KAZN: variants seen among roughly 807,000 people sequenced by gnomAD.
The protein encoded by KAZN is kazrin.
Under a neutral mutation model 87.4 loss-of-function variants are expected in KAZN, and 40 were observed. The ratio of observed to expected loss-of-function variants is 0.46; its 90% confidence interval spans 0.36 to 0.60. KAZN has a LOEUF of 0.60. KAZN is among the 20% of genes least tolerant of loss of function. The pLI, the probability that KAZN is intolerant of heterozygous loss-of-function variation, is 0.00. For missense variants in KAZN, 898 were observed against 1,073.9 expected, an observed-to-expected ratio of 0.84 and a Z score of 2.29; for synonymous variants, 466 against 458.3, an observed-to-expected ratio of 1.02 and a Z score of -0.22.
chr1:15,000,882 T>C (rs1668397615), intron 2 of KAZN, among the ~76,000 whole-genome samples: 1 of 151,684 alleles, frequency 6.6e-6, no homozygotes. Context: ...GGCGGGAGAA[T>C]CACTTGAGCC....
At chr1:15,023,889 T>G (rs1573093086) in intron 2 of KAZN, among the ~76,000 whole-genome samples, 4 of 109,166 alleles carry the variant, frequency 3.7e-5, no homozygotes, top group Admixed American at 9.8e-5. Context: ...TAATTGGGGG[T>G]GGAGTATGAG....
At chr1:14,118,011 C>T (rs1386995910) in intron 1 of KAZN, among the ~76,000 whole-genome samples, 2 of 152,184 alleles carry the variant, frequency 1.3e-5, no homozygotes, top group Non-Finnish European at 2.9e-5. Flanking sequence ...TCTTCTGCTG[C>T]CTCTGGAACC....
At chr1:14,901,187 C>T (rs1655843597) in intron 1 of KAZN, among the ~76,000 whole-genome samples, 1 of 152,058 alleles carries the variant, frequency 6.6e-6, no homozygotes, top group Non-Finnish European at 1.5e-5. Flanking sequence ...GGGGAAGGTC[C>T]CCTGGAGAGC....
intron 4 of KAZN, among the ~76,000 whole-genome samples, chr1:15,048,661 T>C (rs1029761280): frequency 5.6e-5 from 8 of 143,486 alleles, no homozygotes; most frequent in African/African-American, 2.3e-4. Flanking sequence ...TCGTCGGTCC[T>C]GGGTCGCTGG....
At chr1:14,032,095 C>T (rs1211930365) in intron 1 of KAZN, among the ~76,000 whole-genome samples, 1 of 152,142 alleles carries the variant, frequency 6.6e-6, no homozygotes, top group Non-Finnish European at 1.5e-5. Flanking sequence ...GTCTCCCCAC[C>T]AACCTCAGAA....
chr1:14,298,457 C>T (rs1342861032), intron 2 of KAZN, among the ~76,000 whole-genome samples: 1 of 152,182 alleles, frequency 6.6e-6, no homozygotes, highest in Admixed American at 6.5e-5. Flanking sequence ...ATGTTGAACA[C>T]AATGCAGTTC....
chr1:14,858,805 C>T (rs1183661550), intron 1 of KAZN, among the ~76,000 whole-genome samples: 2 of 152,150 alleles, frequency 1.3e-5, no homozygotes, highest in Non-Finnish European at 2.9e-5. Context: ...CTTAACTGAA[C>T]AGCCCCTGTA....
intron 2 of KAZN, among the ~76,000 whole-genome samples, chr1:14,295,411 T>C (rs765992297): frequency 2.6e-5 from 4 of 152,132 alleles, no homozygotes; most frequent in Non-Finnish European, 5.9e-5. Flanking sequence ...TGCACACATA[T>C]ACATGAGACA....
intron 1 of KAZN, among the ~76,000 whole-genome samples, chr1:14,664,935 A>G (rs10927489): frequency 0.21 from 31,250 of 152,144 alleles, 3,347 homozygotes; most frequent in South Asian, 0.3. Flanking sequence ...GATTACAGGC[A>G]TGAGCCACCG....
At chr1:14,993,592 A>T (rs1573005782) in intron 2 of KAZN, among the ~76,000 whole-genome samples, 1 of 151,110 alleles carries the variant, frequency 6.6e-6, no homozygotes, top group South Asian at 2.1e-4. Context: ...CTCGGCCTGC[A>T]CTCTCCCCCA....
intron 1 of KAZN, among the ~76,000 whole-genome samples, chr1:14,099,752 G>A (rs529016404): frequency 1.3e-5 from 2 of 152,032 alleles, no homozygotes; most frequent in Non-Finnish European, 2.9e-5. Flanking sequence ...TTTAAAAGTG[G>A]CCGCTTTCTG....
chr1:14,764,378 T>TCCCCCCCCCC (rs1407501725), intron 1 of KAZN, among the ~76,000 whole-genome samples: 1 of 68,628 alleles, frequency 1.5e-5, no homozygotes, highest in Non-Finnish European at 3.2e-5. Flanking sequence ...CCCGACCCCC[T>TCCCCCCCCCC]CCCCCACACC....
At chr1:14,706,504 T>C (rs1642217583) in intron 1 of KAZN, among the ~76,000 whole-genome samples, 1 of 151,760 alleles carries the variant, frequency 6.6e-6, no homozygotes, top group East Asian at 1.9e-4. Context: ...AAAAAAAAAA[T>C]AAAGATTTGA....
At chr1:14,091,243 C>T (rs193218256) in intron 1 of KAZN, among the ~76,000 whole-genome samples, 14 of 152,268 alleles carry the variant, frequency 9.2e-5, no homozygotes, top group South Asian at 4.2e-4. Flanking sequence ...CTCTTTTCTC[C>T]GCTCAGTGAG....
chr1:14,417,341 G>A (rs908621164), intron 2 of KAZN, among the ~76,000 whole-genome samples: 5 of 152,094 alleles, frequency 3.3e-5, no homozygotes, highest in East Asian at 3.9e-4. Context: ...AATTGTTATC[G>A]AGAGCAAAAG....
intron 1 of KAZN, among the ~76,000 whole-genome samples, chr1:14,729,741 C>A (rs1228381483): frequency 5.3e-5 from 8 of 152,164 alleles, no homozygotes; most frequent in African/African-American, 1.9e-4. Context: ...CCAGAGACCT[C>A]ACTAACCGAA....
intron 2 of KAZN, among the ~76,000 whole-genome samples, chr1:14,490,450 C>T (rs766586829): frequency 1.1e-4 from 17 of 152,204 alleles, no homozygotes; most frequent in East Asian, 5.8e-4. Flanking sequence ...TAATGAACAA[C>T]TCATCTGCAT....
chr1:14,319,647 C>A (rs1364678150), intron 2 of KAZN, among the ~76,000 whole-genome samples: 2 of 152,162 alleles, frequency 1.3e-5, no homozygotes, highest in East Asian at 3.9e-4. Flanking sequence ...CCTCCCTTCT[C>A]GACAGCCTGC....
At chr1:14,079,314 A>G (rs182324166) in intron 1 of KAZN, among the ~76,000 whole-genome samples, 4 of 152,398 alleles carry the variant, frequency 2.6e-5, no homozygotes, top group Admixed American at 2.0e-4. Context: ...TACATCAACA[A>G]GCTCTTTGAG....
Sources: gnomAD v4.1 joint callset for allele counts (sites outside exome capture counted in the v4.1 genomes callset) on GRCh38, gnomAD v4.1.1 for gene constraint, MANE v1.5 for transcripts, NCBI Gene and HGNC (gene_info 2026-07-23, HGNC 2026-07-21) for gene names.